Variants in FAM76A observed in about 807,000 individuals in gnomAD.
FAM76A encodes the protein family with sequence similarity 76 member A, also known as protein FAM76A.
A neutral mutation model predicts 46.2 loss-of-function variants in FAM76A; 32 were observed. The ratio of observed to expected loss-of-function variants is 0.69; its 90% CI spans 0.52 to 0.93. FAM76A has a LOEUF of 0.93. Ranked by LOEUF, FAM76A falls within the 40% of genes least tolerant of loss-of-function variation. The probability of loss-of-function intolerance (pLI) is 0.00; values close to 1 mark genes in which losing one functional copy is unlikely to be tolerated. For synonymous variants in FAM76A, 137 were observed against 127.0 expected (o/e 1.08, Z -0.53); for missense variants, 274 against 361.5 (o/e 0.76, Z 1.96).
At chr1:27,745,106 G>A (rs559360125) in intron 5 of FAM76A, among the ~76,000 whole-genome samples, 2 of 152,128 alleles carry the variant, frequency 1.3e-5, no homozygotes, top group Non-Finnish European at 2.9e-5. Flanking sequence ...CAGAAAATTG[G>A]ACATTTCACT....
chr1:27,757,185 A>ATT (rs2088424134), intron 7 of FAM76A, among the ~76,000 whole-genome samples: 1 of 108,808 alleles, frequency 9.2e-6, no homozygotes, highest in African/African-American at 3.7e-5. Context: ...TAACTCATTT[A>ATT]TTCTTTTTTT....
At position 27,761,688 on chromosome 1, in the gene FAM76A, G is replaced by A. The variant is rs1032814244; in HGVS notation, c.*1107G>A. The A allele has an allele frequency of 6.6e-6, 1 of 152,354 alleles. No individual in the cohort carries two copies. Among genetic ancestry groups the A allele is most frequent in the Non-Finnish European group, 1.5e-5 (1 of 68,038 alleles). 9.4% of individuals were successfully genotyped at this position (152,354 alleles called of 1,614,324 possible). On this transcript the variant is annotated 3_prime_UTR_variant, in exon 9 of 9. Transcript: ENST00000373954. ...TAAAAATGGAATAATATGGTCGGGT[G>A]CGGTGGCTCACGCCTGTAATACCAG...
At chr1:27,726,344 A>G (rs1191840311) in intron 1 of FAM76A, among the ~76,000 whole-genome samples, 183 bp downstream of exon 1, 1 of 151,848 alleles carries the variant, frequency 6.6e-6, no homozygotes, top group Non-Finnish European at 1.5e-5. Context: ...GACCCGGTCC[A>G]GGCTCCCGCG....
chr1:27,756,931 C>T (rs959409914), intron 7 of FAM76A, among the ~76,000 whole-genome samples: 2 of 151,714 alleles, frequency 1.3e-5, no homozygotes, highest in Non-Finnish European at 2.9e-5. Flanking sequence ...TGATGGTGTG[C>T]ACCTATGGTC....
chr1:27,749,096 C>G lies in FAM76A; in HGVS notation c.541C>G (p.Gln181Glu). Residue 181 changes from glutamine (Q) to glutamate (E), a missense_variant, in exon 6 of 9, where the codon CAA becomes GAA. Gln to Glu is a conservative substitution (Grantham distance 29, BLOSUM62 2). Transcript: ENST00000373954. ...SQKTLSTSSIQNEIPKKKSKF... is the reference protein window; with the variant it reads ...SQKTLSTSSIENEIPKKKSKF... ...GAAAACACTTTCTACATCTTCAATT[C>G]AAAATGAAATCCCAAAGAAAAAGTC... is the stretch of plus-strand genomic sequence containing the variant. 6.2e-7 allele frequency: 1 copy of G among 1,605,406 alleles called. No individual in the cohort carries two copies. Among genetic ancestry groups the G allele is most frequent in the Non-Finnish European group, 8.5e-7 (1 of 1,178,028 alleles).
chr1:27,744,542 G>C lies in FAM76A; in HGVS notation c.355-112G>C, dbSNP rs2088208733. The C allele has an allele frequency of 2.7e-6, 3 of 1,123,110 alleles. No homozygotes were observed. In the East Asian group the frequency reaches 7.1e-5, roughly 26 times the overall value. 69.6% of individuals were successfully genotyped at this position (1,123,110 alleles called of 1,614,324 possible). A position where few individuals can be genotyped will look rare whatever the true frequency, so the allele number is the denominator to read the frequency against. On this transcript the variant is annotated intron_variant, in intron 4 of 8. Coordinates refer to ENST00000373954, the MANE Select transcript of FAM76A (RefSeq NM_152660.3). ...CCCCTGTGACATGCCCAAAGTCACA[G>C]CACATAAGTTTCAGAACTGGGACTG...
chr1:27,730,234 T>G (rs2087931697), intron 2 of FAM76A: 1 of 210,686 alleles, frequency 4.7e-6, no homozygotes, highest in East Asian at 1.7e-4. Flanking sequence ...TTGCCCAGGC[T>G]AGAGTGCAAT....
intron 6 of FAM76A, among the ~76,000 whole-genome samples, chr1:27,752,361 C>G: frequency 6.6e-6 from 1 of 152,106 alleles, no homozygotes; most frequent in East Asian, 1.9e-4. Context: ...GTCTCTGTCT[C>G]AATATGTCCT....
chr1:27,761,296 A>G lies in FAM76A; in HGVS notation c.*715A>G, dbSNP rs979903950. ...CAGTCCTATTCACTAGCTTTTAGTA[A>G]AAGAATCAGATCTTTTCTTTCTTGT... On this transcript the variant is annotated 3_prime_UTR_variant, in exon 9 of 9. Transcript: ENST00000373954. The G allele has an allele frequency of 1.3e-5, 2 of 152,578 alleles. No homozygotes were observed. Among genetic ancestry groups the G allele is most frequent in the African/African-American group, 4.8e-5 (2 of 41,438 alleles). The allele number at this position is 152,578 out of a possible 1,614,324, so 9.5% of individuals were successfully genotyped here.
rs555276308 is a variant in FAM76A, at chr1:27,726,165, C to G, written c.81+4C>G. 495 of 1,280,748 alleles carry G rather than the reference C, an allele frequency of 3.9e-4. 7 individuals are homozygous for G. In the East Asian group the frequency reaches 0.015, roughly 39 times the overall value. 79.3% of individuals were successfully genotyped at this position (1,280,748 alleles called of 1,614,324 possible). ...TCAGGGGCAGCAGCTGTGCAAGGTG[C>G]GCGGGCTGGGGCGGCGGCCGGGAAC... is the stretch of plus-strand genomic sequence containing the variant. On this transcript the variant is annotated splice_donor_region_variant and intron_variant, in intron 1 of 8. Coordinates refer to ENST00000373954, the MANE Select transcript of FAM76A (RefSeq NM_152660.3).
Position 27,749,109 on chromosome 1 carries a change from CAAAG to C in FAM76A, c.558_561del (p.Lys187SerfsTer34), listed in dbSNP as rs2088292926. ...ACATCTTCAATTCAAAATGAAATCC[CAAAG>C]AAAAAGTCCAAGTTTGAGTCAATCA... is the stretch of plus-strand genomic sequence containing the variant. On this transcript the variant is annotated frameshift_variant, in exon 6 of 9. Coordinates refer to ENST00000373954, the MANE Select transcript of FAM76A (RefSeq NM_152660.3). LOFTEE classifies it high-confidence loss of function. The C allele has an allele frequency of 6.2e-7, 1 of 1,606,822 alleles. No homozygotes were observed. The highest frequency in any genetic ancestry group is 8.5e-7 in the Non-Finnish European group (1 of 1,178,386).
At chr1:27,727,722 CAT>C (rs1274807665) in intron 2 of FAM76A, among the ~76,000 whole-genome samples, 186 bp downstream of exon 2, 1 of 151,064 alleles carries the variant, frequency 6.6e-6, no homozygotes, top group African/African-American at 2.4e-5. Flanking sequence ...TGAGTTAATT[CAT>C]GTGTGGGGTG....
At chr1:27,753,408 C>A (rs1014030804) in intron 6 of FAM76A, among the ~76,000 whole-genome samples, 1 of 152,176 alleles carries the variant, frequency 6.6e-6, no homozygotes, top group African/African-American at 2.4e-5. Context: ...AGGTCCTTAG[C>A]AGGTATTGAA....
At chr1:27,732,132 T>C (rs1015162264) in intron 2 of FAM76A, among the ~76,000 whole-genome samples, 8 of 152,074 alleles carry the variant, frequency 5.3e-5, no homozygotes, top group African/African-American at 1.7e-4. Context: ...ACATAATAAT[T>C]AAAAGAGTTA....
chr1:27,732,653 G>C lies in FAM76A; in HGVS notation c.197G>C (p.Gly66Ala), dbSNP rs1188386674. 1 of 1,606,804 alleles carries C rather than the reference G, an allele frequency of 6.2e-7. No homozygotes were observed. The highest frequency in any genetic ancestry group is 8.5e-7 in the Non-Finnish European group (1 of 1,174,598). The change falls in exon 3 of 9, where the codon GGA becomes GCA. Residue 66 changes from glycine to alanine, a missense_variant. Physicochemically the swap from Gly to Ala is moderately conservative, Grantham distance 60. Transcript: ENST00000373954. ...KKCAQNVQLY[G>A]TPKPCQYCNI... ...TGTGCTCAGAACGTGCAGTTGTATG[G>C]AACGGTAAGTAGGATATTTTCAAAC... is the stretch of plus-strand genomic sequence containing the variant.
chr1:27,748,469 GTT>G (rs1162208303), intron 5 of FAM76A, among the ~76,000 whole-genome samples: 1,734 of 112,586 alleles, frequency 0.015, 34 homozygotes, highest in African/African-American at 0.056. Flanking sequence ...TCTTATTGAA[GTT>G]TTTTTTTTTT....
At chr1:27,741,897 G>A (rs76390622) in intron 4 of FAM76A, among the ~76,000 whole-genome samples, 1,501 of 113,542 alleles carry the variant, frequency 0.013, 51 homozygotes, top group African/African-American at 0.12. Context: ...AAAAAAAAAA[G>A]AGAGAGGATG....
intron 4 of FAM76A, among the ~76,000 whole-genome samples, chr1:27,737,219 G>C (rs982865761): frequency 1.3e-5 from 2 of 152,256 alleles, no homozygotes; most frequent in Middle Eastern, 3.4e-3. Flanking sequence ...AAAGTGCTAG[G>C]ATTACAAGCA....
chr1:27,759,705 C>A (rs1313516186), intron 8 of FAM76A, 78 bp downstream of exon 8: 9 of 905,936 alleles, frequency 9.9e-6, no homozygotes, highest in Non-Finnish European at 1.4e-5. Flanking sequence ...TTTAAGTGAT[C>A]ATCTCTTAGA....
Sources: gnomAD v4.1 joint callset for allele counts (sites outside exome capture counted in the v4.1 genomes callset) on GRCh38, gnomAD v4.1.1 for gene constraint, MANE v1.5 for transcripts, NCBI Gene and HGNC (gene_info 2026-07-23, HGNC 2026-07-21) for gene names.